FGD4: variants seen among roughly 807,000 people sequenced by gnomAD.
FGD4 encodes FYVE, RhoGEF and PH domain-containing protein 4.
FGD4 carries 42 observed loss-of-function variants against 102.0 expected under a neutral mutation model. The ratio of observed to expected loss-of-function variants is 0.41; its 90% confidence interval spans 0.32 to 0.53. The LOEUF (loss-of-function observed/expected upper bound fraction) is 0.53. Among genes scored for constraint, FGD4 ranks in the 20% least tolerant of loss-of-function variants. FGD4 has a pLI of 0.21. For missense variants in FGD4, 902 were observed against 1,078.2 expected, an observed-to-expected ratio of 0.84 and a Z score of 2.29; for synonymous variants, 380 against 375.7, an observed-to-expected ratio of 1.01 and a Z score of -0.13.
intron 4 of FGD4, among the ~76,000 whole-genome samples, chr12:32,593,746 C>A (rs543290913): frequency 1.3e-5 from 2 of 152,290 alleles, no homozygotes; most frequent in Middle Eastern, 3.4e-3. Flanking sequence ...TATCATGGCA[C>A]AAGTTCTGCC....
intron 2 of FGD4, among the ~76,000 whole-genome samples, chr12:32,574,176 T>C (rs2136355535): frequency 6.6e-6 from 1 of 152,288 alleles, no homozygotes; most frequent in African/African-American, 2.4e-5. Context: ...TATTTTAGTT[T>C]TTCTCTCATC....
chr12:32,464,548 A>G (rs1012492480), intron 1 of FGD4, among the ~76,000 whole-genome samples: 1 of 152,228 alleles, frequency 6.6e-6, no homozygotes. Context: ...GGGTATTTAT[A>G]GTATATGCTC....
intron 1 of FGD4, among the ~76,000 whole-genome samples, chr12:32,525,783 G>A (rs556166022): frequency 6.6e-6 from 1 of 152,384 alleles, no homozygotes; most frequent in South Asian, 2.1e-4. Context: ...AGCCAGCCCT[G>A]CTGGCCCCAG....
intron 1 of FGD4, among the ~76,000 whole-genome samples, chr12:32,422,662 A>G (rs1941682725): frequency 6.6e-6 from 1 of 152,062 alleles, no homozygotes; most frequent in South Asian, 2.1e-4. Flanking sequence ...TACTGCCTCT[A>G]GATAATAGTT....
intron 4 of FGD4, among the ~76,000 whole-genome samples, chr12:32,589,657 C>A (rs958773998): frequency 2.0e-5 from 3 of 152,222 alleles, no homozygotes; most frequent in African/African-American, 7.2e-5. Flanking sequence ...CTCTTCACCA[C>A]CACTTACTTC....
In FGD4 at chr12:32,638,684, T is replaced by C; in HGVS notation, c.2343T>C (p.Ser781=). The C allele has an allele frequency of 1.2e-6, 2 of 1,614,166 alleles. No homozygotes were observed. The highest frequency in any genetic ancestry group is 1.7e-6 in the Non-Finnish European group (2 of 1,180,024). Residue 781 remains serine (S), a synonymous_variant, in exon 16 of 17, where the codon AGT becomes AGC. Transcript: ENST00000534526. ...AATCAGCAGAAGTATCTGGAAACAG[T>C]GTGGTGTGCAGCTTTCTTCAGTATA... is the stretch of plus-strand genomic sequence containing the variant. ...EIESAEVSGN[S]VVCSFLQYME...
intron 4 of FGD4, among the ~76,000 whole-genome samples, chr12:32,588,208 G>A (rs1002843172): frequency 6.6e-5 from 10 of 152,176 alleles, no homozygotes; most frequent in Non-Finnish European, 1.2e-4. Context: ...GGCCTTGATA[G>A]CTAACTAGCT....
At chr12:32,444,076 G>A (rs1942537711) in intron 1 of FGD4, among the ~76,000 whole-genome samples, 2 of 145,266 alleles carry the variant, frequency 1.4e-5, no homozygotes, top group Non-Finnish European at 3.0e-5. Flanking sequence ...CCAAGCTGGA[G>A]TACAGTGGTG....
intron 1 of FGD4, among the ~76,000 whole-genome samples, chr12:32,412,899 ATTTTTTTTTT>A (rs869107334): frequency 1.1e-5 from 1 of 86,988 alleles, no homozygotes. Flanking sequence ...TTTTCTAGAA[ATTTTTTTTTT>A]TTTTTTTTTT....
intron 1 of FGD4, among the ~76,000 whole-genome samples, chr12:32,408,111 T>A (rs1020229433): frequency 2.6e-5 from 4 of 151,420 alleles, no homozygotes; most frequent in Non-Finnish European, 2.9e-5. Flanking sequence ...ACGATTCCCC[T>A]GCCTCAGCCT....
chr12:32,540,408 G>T (rs1942714885), intron 1 of FGD4, among the ~76,000 whole-genome samples: 2 of 152,172 alleles, frequency 1.3e-5, no homozygotes, highest in African/African-American at 4.8e-5. Flanking sequence ...AAGAACCAAC[G>T]TATGCAAAAG....
chr12:32,585,219 A>ATT (rs1161555557), intron 4 of FGD4, among the ~76,000 whole-genome samples: 1 of 90,802 alleles, frequency 1.1e-5, no homozygotes, highest in South Asian at 5.0e-4. Flanking sequence ...TGTCTCAAAA[A>ATT]TTTTATATAT....
chr12:32,400,114 T>C (rs1940588301), intron 1 of FGD4, among the ~76,000 whole-genome samples, 155 bp downstream of exon 1: 1 of 152,202 alleles, frequency 6.6e-6, no homozygotes, highest in African/African-American at 2.4e-5. Flanking sequence ...GGCCACCCAC[T>C]CCCTTAGCTA....
intron 1 of FGD4, among the ~76,000 whole-genome samples, chr12:32,466,058 G>C (rs747228096): frequency 2.6e-5 from 4 of 152,144 alleles, no homozygotes; most frequent in Admixed American, 6.6e-5. Flanking sequence ...GATTATAGGC[G>C]TGAGCTACTG....
Position 32,642,890 on chromosome 12 carries a change from C to T in FGD4, c.*2357C>T, listed in dbSNP as rs1166026938. ...TTATTAAACAATTCAACCAAGAGAC[C>T]TCAAAGTGTGATTGATGATAAGAAT... On this transcript the variant is annotated 3_prime_UTR_variant, in exon 17 of 17. Coordinates refer to ENST00000534526, the MANE Select transcript of FGD4 (RefSeq NM_001370298.3). 6.6e-6 allele frequency: 1 copy of T among 152,438 alleles called. No individual in the cohort carries two copies. The highest frequency in any genetic ancestry group is 1.5e-5 in the Non-Finnish European group (1 of 67,926). The allele number at this position is 152,438 out of a possible 1,614,324, so 9.4% of individuals were successfully genotyped here.
Position 32,479,481 on chromosome 12 carries a change from A to G in FGD4, c.166+79522A>G, listed in dbSNP as rs1029671768. On this transcript the variant is annotated intron_variant, in intron 1 of 16. Coordinates refer to ENST00000534526, the MANE Select transcript of FGD4 (RefSeq NM_001370298.3). ...TGAATTCTTACTATTTTAAACTCCT[A>G]TTGTAAAGAATGTATTCTTGCATAT... Among the ~76,000 whole-genome samples the G allele has an allele frequency of 5.3e-5, 8 of 151,396 alleles. No homozygotes were observed. The East Asian group carries it at 5.9e-4, about 11-fold the overall frequency.
rs758387651 is a variant in FGD4 at position 32,640,537 on chromosome 12, C to G, written c.*4C>G. 1 of 1,613,488 alleles carries G rather than the reference C, an allele frequency of 6.2e-7. No individual in the cohort carries two copies. On this transcript the variant is annotated 3_prime_UTR_variant, in exon 17 of 17. Coordinates refer to ENST00000534526, the MANE Select transcript of FGD4 (RefSeq NM_001370298.3). ...TAAGAAAAAATCAGAATGCTGAACT[C>G]CTCCAGGACCAGCCATGGTGTGGAG...
chr12:32,434,281 A>T (rs1487924351), intron 1 of FGD4, among the ~76,000 whole-genome samples: 1 of 152,222 alleles, frequency 6.6e-6, no homozygotes, highest in African/African-American at 2.4e-5. Flanking sequence ...TGCTTATAAA[A>T]TGGAGGAGAG....
At chr12:32,438,855 G>C (rs1031459376) in intron 1 of FGD4, among the ~76,000 whole-genome samples, 1 of 152,024 alleles carries the variant, frequency 6.6e-6, no homozygotes, top group South Asian at 2.1e-4. Flanking sequence ...TGATCCGCCT[G>C]CCTTGGCCTC....
Sources: allele counts gnomAD v4.1 joint callset (sites outside exome capture counted in the v4.1 genomes callset), GRCh38; gene constraint gnomAD v4.1.1; transcripts MANE v1.5; gene names NCBI Gene and HGNC (gene_info 2026-07-23, HGNC 2026-07-21).